Variants in SHB observed in about 807,000 individuals in gnomAD.
SHB encodes the protein SH2 domain containing adaptor protein B, also known as SH2 domain-containing adapter protein B.
A neutral mutation model predicts 52.3 loss-of-function variants in SHB; 20 were observed. That is an observed-to-expected ratio of 0.38 (90% CI 0.27 to 0.56). SHB has a LOEUF of 0.56. Ranked by LOEUF, SHB falls within the 20% of genes least tolerant of loss-of-function variation. The pLI, the probability that SHB is intolerant of heterozygous loss-of-function variation, is 0.71. For missense variants in SHB, 825 were observed against 723.3 expected (o/e 1.14, Z -1.61); for synonymous variants, 397 against 316.5 (o/e 1.25, Z -2.70).
chr9:37,928,959 C>A (rs555434236), intron 5 of SHB, among the ~76,000 whole-genome samples: 1 of 152,196 alleles, frequency 6.6e-6, no homozygotes, highest in Non-Finnish European at 1.5e-5. Flanking sequence ...CCCCAGCTGC[C>A]GAGGGGAGGA....
At chr9:37,954,303 TC>T (rs1832603393) in intron 4 of SHB, among the ~76,000 whole-genome samples, 1 of 152,190 alleles carries the variant, frequency 6.6e-6, no homozygotes, top group African/African-American at 2.4e-5. Flanking sequence ...AGTGAGAATT[TC>T]CTGTGAGGGT....
chr9:37,920,700 G>T lies in SHB; in HGVS notation c.1347-696C>A, dbSNP rs1170562959. ...CAGCCTGTGTTGCCTCTGCTGGGTG[G>T]TTTTCCAGGCTCCCACAGGCAGAGC... On this transcript the variant is annotated intron_variant, in intron 5 of 5. Coordinates refer to ENST00000377707, the MANE Select transcript of SHB (RefSeq NM_003028.3). Among the ~76,000 whole-genome samples the T allele has an allele frequency of 5.3e-5, 8 of 152,352 alleles. No individual in the cohort carries two copies. In the South Asian group the frequency reaches 8.3e-4, roughly 16 times the overall value.
chr9:37,929,674 C>T (rs910054176), intron 5 of SHB, among the ~76,000 whole-genome samples: 1 of 152,240 alleles, frequency 6.6e-6, no homozygotes, highest in Non-Finnish European at 1.5e-5. Context: ...GGTGGGATAC[C>T]TGGGTTCTGG....
intron 1 of SHB, among the ~76,000 whole-genome samples, chr9:38,062,361 C>T (rs1015346669): frequency 2.2e-4 from 33 of 152,152 alleles, no homozygotes; most frequent in Non-Finnish European, 4.1e-4. Flanking sequence ...TAATGGCTTG[C>T]CTGTATCCCT....
At chr9:38,024,950 A>G (rs188825886) in intron 1 of SHB, among the ~76,000 whole-genome samples, 14 of 152,326 alleles carry the variant, frequency 9.2e-5, no homozygotes, top group Admixed American at 9.2e-4. Context: ...GACACCATGC[A>G]TAGTTTGAAA....
chr9:38,004,278 G>A (rs552589659), intron 2 of SHB, among the ~76,000 whole-genome samples: 1 of 152,306 alleles, frequency 6.6e-6, no homozygotes, highest in African/African-American at 2.4e-5. Context: ...AGCTGGCCTG[G>A]TTCTGCCTTG....
intron 1 of SHB, among the ~76,000 whole-genome samples, chr9:38,062,896 G>C (rs1219420722): frequency 6.6e-6 from 1 of 152,214 alleles, no homozygotes; most frequent in Non-Finnish European, 1.5e-5. Context: ...TGGCAGAGCT[G>C]AAGAGCTACA....
chr9:37,987,211 G>A (rs1007998757), intron 2 of SHB, among the ~76,000 whole-genome samples: 7 of 152,202 alleles, frequency 4.6e-5, no homozygotes, highest in African/African-American at 1.7e-4. Context: ...GGCCAACATC[G>A]CAAAAACTCA....
chr9:38,003,883 C>T (rs886917827), intron 2 of SHB, among the ~76,000 whole-genome samples: 4 of 152,230 alleles, frequency 2.6e-5, no homozygotes, highest in African/African-American at 4.8e-5. Flanking sequence ...TGTCGCCCAC[C>T]GGCTGGTTCC....
intron 5 of SHB, among the ~76,000 whole-genome samples, chr9:37,931,563 T>A (rs1312412750): frequency 6.6e-6 from 1 of 152,164 alleles, no homozygotes; most frequent in Non-Finnish European, 1.5e-5. Context: ...CCCACTAGAA[T>A]GGCTATTATC....
intron 1 of SHB, among the ~76,000 whole-genome samples, chr9:38,047,719 G>A (rs996813344): frequency 6.6e-6 from 1 of 152,226 alleles, no homozygotes; most frequent in Non-Finnish European, 1.5e-5. Flanking sequence ...TACAGGTCAG[G>A]AATAGCGCCA....
chr9:38,064,085 T>G (rs1046519441), intron 1 of SHB, among the ~76,000 whole-genome samples: 4 of 151,994 alleles, frequency 2.6e-5, no homozygotes, highest in Non-Finnish European at 5.9e-5. Flanking sequence ...TGGCCTCTTT[T>G]GTCATCATTT....
chr9:38,059,918 A>G (rs897076242), intron 1 of SHB, among the ~76,000 whole-genome samples: 1 of 152,220 alleles, frequency 6.6e-6, no homozygotes, highest in African/African-American at 2.4e-5. Context: ...TCTGAGAAGC[A>G]AACAAATTAC....
At chr9:37,999,499 A>G (rs1349074522) in intron 2 of SHB, among the ~76,000 whole-genome samples, 1 of 152,228 alleles carries the variant, frequency 6.6e-6, no homozygotes, top group African/African-American at 2.4e-5. Context: ...GCCCAATTCG[A>G]AAGTAGGCTT....
At chr9:37,962,330 T>C (rs926297237) in intron 3 of SHB, among the ~76,000 whole-genome samples, 9 of 152,074 alleles carry the variant, frequency 5.9e-5, no homozygotes, top group Admixed American at 5.2e-4. Flanking sequence ...AAGGCTAAAT[T>C]CCCGATACCT....
intron 2 of SHB, among the ~76,000 whole-genome samples, chr9:37,977,097 G>C (rs1180482002): frequency 6.6e-6 from 1 of 152,170 alleles, no homozygotes; most frequent in Non-Finnish European, 1.5e-5. Context: ...GTAGTAACCT[G>C]GGTGGTTACT....
At chr9:37,993,245 C>T (rs548591018) in intron 2 of SHB, among the ~76,000 whole-genome samples, 3 of 152,096 alleles carry the variant, frequency 2.0e-5, no homozygotes, top group East Asian at 3.9e-4. Context: ...GCGATGGGAA[C>T]GGATGCCTAC....
chr9:37,919,570 A>T lies in SHB; in HGVS notation c.*251T>A, dbSNP rs1832150164. The T allele has an allele frequency of 4.9e-6, 1 of 205,016 alleles. No individual in the cohort carries two copies. The allele number at this position is 205,016 out of a possible 1,614,324, so 12.7% of individuals were successfully genotyped here. ...ATCTCTTTGGATTTGCAAATATTTT[A>T]ATTCACAGAAACTCAAGGAGAGGGT... On this transcript the variant is annotated 3_prime_UTR_variant, in exon 6 of 6. Coordinates refer to ENST00000377707, the MANE Select transcript of SHB (RefSeq NM_003028.3).
At chr9:38,050,301 C>G (rs776328132) in intron 1 of SHB, among the ~76,000 whole-genome samples, 22 of 152,140 alleles carry the variant, frequency 1.4e-4, no homozygotes, top group Admixed American at 4.6e-4. Context: ...AAGAACTAAG[C>G]GGCAGAAAAT....
Sources: gnomAD v4.1 joint callset for allele counts (sites outside exome capture counted in the v4.1 genomes callset) on GRCh38, gnomAD v4.1.1 for gene constraint, MANE v1.5 for transcripts, NCBI Gene and HGNC (gene_info 2026-07-23, HGNC 2026-07-21) for gene names.